Variants in PRKD1 observed in about 807,000 individuals in gnomAD.
The protein encoded by PRKD1 is protein kinase D1, also known as serine/threonine-protein kinase D1.
A neutral mutation model predicts 95.9 loss-of-function variants in PRKD1; 63 were observed. The ratio of observed to expected loss-of-function variants is 0.66; its 90% CI spans 0.54 to 0.81. The LOEUF (loss-of-function observed/expected upper bound fraction) is 0.81, where lower values mean the gene tolerates loss of function less well. PRKD1 is among the 30% of genes least tolerant of loss of function. The pLI is 0.00. For synonymous variants in PRKD1, 425 were observed against 423.1 expected (o/e 1.00, Z -0.05); for missense variants, 1,048 against 1,165.3 (o/e 0.90, Z 1.47).
At chr14:29,799,199 C>A (rs532556725) in intron 1 of PRKD1, among the ~76,000 whole-genome samples, 14 of 152,188 alleles carry the variant, frequency 9.2e-5, no homozygotes, top group African/African-American at 3.4e-4. Context: ...TTCAATATGA[C>A]AAAAGTCATT....
chr14:29,752,972 A>G (rs1293997061), intron 1 of PRKD1, among the ~76,000 whole-genome samples: 2 of 152,104 alleles, frequency 1.3e-5, no homozygotes, highest in Non-Finnish European at 2.9e-5. Context: ...GGTGTGCAGG[A>G]TAGTTCTGCA....
At chr14:29,792,877 T>C (rs998786560) in intron 1 of PRKD1, among the ~76,000 whole-genome samples, 1 of 152,036 alleles carries the variant, frequency 6.6e-6, no homozygotes, top group Non-Finnish European at 1.5e-5. Context: ...TGCTGCCAAT[T>C]TGAGGCCATT....
intron 1 of PRKD1, among the ~76,000 whole-genome samples, chr14:29,802,646 G>T (rs1351826549): frequency 1.3e-5 from 2 of 152,200 alleles, no homozygotes; most frequent in African/African-American, 2.4e-5. Flanking sequence ...TAAAAGATTG[G>T]AACCTGAGGA....
At chr14:29,592,398 A>C (rs1893162263) in intron 16 of PRKD1, among the ~76,000 whole-genome samples, 1 of 152,156 alleles carries the variant, frequency 6.6e-6, no homozygotes, top group African/African-American at 2.4e-5. Context: ...TGTATGCATA[A>C]CTATATATAT....
At chr14:29,798,134 A>G (rs1433381833) in intron 1 of PRKD1, among the ~76,000 whole-genome samples, 2 of 152,252 alleles carry the variant, frequency 1.3e-5, no homozygotes, top group Non-Finnish European at 2.9e-5. Context: ...ATTAAAATGG[A>G]CAAATATCAG....
intron 1 of PRKD1, among the ~76,000 whole-genome samples, chr14:29,839,149 G>C (rs1891730000): frequency 6.6e-6 from 1 of 152,100 alleles, no homozygotes; most frequent in Non-Finnish European, 1.5e-5. Flanking sequence ...ATTAACAGCA[G>C]ACATAACACC....
chr14:29,608,661 C>T (rs1200727692), intron 13 of PRKD1, among the ~76,000 whole-genome samples: 1 of 152,024 alleles, frequency 6.6e-6, no homozygotes, highest in Non-Finnish European at 1.5e-5. Context: ...TCATGGGGTA[C>T]CTTGCTGTGT....
At chr14:29,915,074 G>A (rs976152093) in intron 1 of PRKD1, among the ~76,000 whole-genome samples, 7 of 152,148 alleles carry the variant, frequency 4.6e-5, no homozygotes, top group Admixed American at 1.3e-4. Context: ...AACCTGCTCA[G>A]AATCAGTGTA....
chr14:29,688,561 C>A (rs1234363224), intron 2 of PRKD1, among the ~76,000 whole-genome samples: 1 of 152,074 alleles, frequency 6.6e-6, no homozygotes, highest in Non-Finnish European at 1.5e-5. Context: ...AGTGTAGTAA[C>A]CTAGTATTCC....
At chr14:29,892,294 G>A (rs887824773) in intron 1 of PRKD1, among the ~76,000 whole-genome samples, 25 of 152,050 alleles carry the variant, frequency 1.6e-4, no homozygotes, top group African/African-American at 4.6e-4. Context: ...GTAAGTAACC[G>A]TTAACTGGAT....
Position 29,636,582 on chromosome 14 carries a change from A to G in PRKD1, c.986-88T>C. ...AGTCAGGTGATCCTAAAACAAATCAATTGGAAGCCCCAAAGAGGTAGTTCT... is the reference window on the plus strand; with the variant it reads ...AGTCAGGTGATCCTAAAACAAATCAGTTGGAAGCCCCAAAGAGGTAGTTCT... On this transcript the variant is annotated intron_variant, in intron 6 of 17. Coordinates refer to ENST00000331968, the MANE Select transcript of PRKD1 (RefSeq NM_002742.3). 6.1e-6 allele frequency: 8 copies of G among 1,309,442 alleles called. No individual in the cohort carries two copies. The Admixed American group carries it at 9.6e-5, about 16-fold the overall frequency. 81.1% of individuals were successfully genotyped at this position (1,309,442 alleles called of 1,614,324 possible). A position where few individuals can be genotyped will look rare whatever the true frequency, so the allele number is the denominator to read the frequency against.
chr14:29,656,730 T>TA (rs1881866212), intron 4 of PRKD1, among the ~76,000 whole-genome samples: 2 of 152,066 alleles, frequency 1.3e-5, no homozygotes, highest in Admixed American at 6.5e-5. Flanking sequence ...AGACACTAAG[T>TA]AAAAATTGCA....
At position 29,899,297 on chromosome 14, in the gene PRKD1, A is replaced by G. The variant is rs1894239473; in HGVS notation, c.264+27952T>C. On this transcript the variant is annotated intron_variant, in intron 1 of 17. Transcript: ENST00000331968. ...TACTGGTTTTCAAACCTTGTCAAAA[A>G]AACACATAATCTATTTTGTACAATA... Among the ~76,000 whole-genome samples the G allele has an allele frequency of 2.0e-5, 3 of 152,206 alleles. No individual in the cohort carries two copies. The South Asian group carries it at 6.2e-4, about 31-fold the overall frequency.
At chr14:29,675,265 A>T (rs1226326069) in intron 2 of PRKD1, among the ~76,000 whole-genome samples, 1 of 152,218 alleles carries the variant, frequency 6.6e-6, no homozygotes, top group Non-Finnish European at 1.5e-5. Context: ...CATCAGGTTT[A>T]TTGAGATAAT....
At chr14:29,875,945 G>A (rs191922388) in intron 1 of PRKD1, among the ~76,000 whole-genome samples, 132 of 152,118 alleles carry the variant, frequency 8.7e-4, no homozygotes, top group Middle Eastern at 6.8e-3. Flanking sequence ...AACAGAATTC[G>A]TCAGACTATC....
chr14:29,621,953 G>C (rs1314559269), intron 13 of PRKD1, among the ~76,000 whole-genome samples: 1 of 152,126 alleles, frequency 6.6e-6, no homozygotes, highest in African/African-American at 2.4e-5. Context: ...ACCTTATTAT[G>C]ATGAAGGATT....
chr14:29,614,909 GC>G (rs1878747867), intron 13 of PRKD1, among the ~76,000 whole-genome samples: 1 of 132,220 alleles, frequency 7.6e-6, no homozygotes, highest in South Asian at 2.3e-4. Context: ...ACAGGGTTTC[GC>G]CATGTTGCCC....
chr14:29,712,538 G>A (rs925137778), intron 2 of PRKD1, among the ~76,000 whole-genome samples: 1 of 152,106 alleles, frequency 6.6e-6, no homozygotes, highest in African/African-American at 2.4e-5. Context: ...TACTAAAGAA[G>A]CTATCTGGTA....
chr14:29,697,411 A>C (rs1374692920), intron 2 of PRKD1, among the ~76,000 whole-genome samples: 1 of 152,218 alleles, frequency 6.6e-6, no homozygotes, highest in Non-Finnish European at 1.5e-5. Flanking sequence ...ATACATGTAC[A>C]CAAGATTAAA....
Sources: allele counts gnomAD v4.1 joint callset (sites outside exome capture counted in the v4.1 genomes callset), GRCh38; gene constraint gnomAD v4.1.1; transcripts MANE v1.5; gene names NCBI Gene and HGNC (gene_info 2026-07-23, HGNC 2026-07-21).